The following LRIT3 variants were observed in gnomAD, a reference collection of about 807,000 sequenced individuals.
LRIT3 encodes leucine-rich repeat, immunoglobulin-like domain and transmembrane domain-containing protein 3.
LRIT3 carries 14 observed loss-of-function variants against 22.6 expected under a neutral mutation model. The observed-to-expected ratio is 0.62, with a 90% CI of 0.41 to 0.97. The LOEUF (loss-of-function observed/expected upper bound fraction) is 0.97. Among genes scored for constraint, LRIT3 ranks in the 50% least tolerant of loss-of-function variants. The pLI is 0.00. For missense variants in LRIT3, 783 were observed against 803.0 expected, an observed-to-expected ratio of 0.98 and a Z score of 0.30; for synonymous variants, 306 against 304.5, an observed-to-expected ratio of 1.01 and a Z score of -0.05.
chr4:109,851,832 C>T lies in LRIT3; in HGVS notation c.445C>T (p.Leu149Phe). The change falls in exon 2 of 4, where the codon CTC becomes TTC. Residue 149 changes from leucine to phenylalanine, a missense_variant. Transcript: ENST00000594814. ...AATAACCAGTGTGCCAAATGAGGCG[C>T]TCAGGTATCTGAAGAACCTTGCCTA... The part of the protein sequence containing the change: ...NKITSVPNEA[L>F]RYLKNLAYLD... The T allele has an allele frequency of 6.4e-7, 1 of 1,551,750 alleles. No homozygotes were observed. The highest frequency in any genetic ancestry group is 2.0e-5 in the Admixed American group (1 of 50,998).
intron 2 of LRIT3, among the ~76,000 whole-genome samples, chr4:109,856,752 A>G (rs1354226190): frequency 1.3e-5 from 2 of 152,140 alleles, no homozygotes; most frequent in Non-Finnish European, 2.9e-5. Flanking sequence ...TTTGTCTTAG[A>G]TCATTAATTT....
chr4:109,868,970 G>A (rs1267105742), intron 3 of LRIT3, among the ~76,000 whole-genome samples: 2 of 152,096 alleles, frequency 1.3e-5, no homozygotes, highest in African/African-American at 4.8e-5. Context: ...AATCAAGGAA[G>A]AATGAAAATA....
intron 3 of LRIT3, 25 bp from the exon 4 acceptor site, chr4:109,869,619 CA>C: frequency 6.6e-7 from 1 of 1,519,952 alleles, no homozygotes; most frequent in Non-Finnish European, 8.8e-7. Context: ...TTGTTCCTCA[CA>C]GACTATACAT....
chr4:109,864,620 A>G (rs1734634498), intron 2 of LRIT3, among the ~76,000 whole-genome samples: 2 of 152,218 alleles, frequency 1.3e-5, no homozygotes, highest in Admixed American at 1.3e-4. Context: ...CTAACAATCT[A>G]ATTCCAAATT....
At chr4:109,861,870 C>G (rs1002377923) in intron 2 of LRIT3, among the ~76,000 whole-genome samples, 3 of 152,200 alleles carry the variant, frequency 2.0e-5, no homozygotes, top group Admixed American at 2.0e-4. Context: ...ACCTCAAAAT[C>G]ACAGATATGA....
chr4:109,867,891 C>G lies in LRIT3; in HGVS notation c.840C>G (p.Phe280Leu), dbSNP rs752892469. 6.2e-7 allele frequency: 1 copy of G among 1,613,488 alleles called. No individual in the cohort carries two copies. Among genetic ancestry groups the G allele is most frequent in the Non-Finnish European group, 8.5e-7 (1 of 1,179,982 alleles). ...NVLLRCDATGFPTPQITWTRS... is the reference protein window; with the variant it reads ...NVLLRCDATGLPTPQITWTRS... ...TACTGCGGTGTGATGCCACTGGCTT[C>G]CCCACCCCACAGATCACATGGACCA... The change falls in exon 3 of 4, where the codon TTC (phenylalanine) becomes TTG (leucine). Residue 280 changes from phenylalanine to leucine, a missense_variant. By Grantham distance (22) the Phe-to-Leu change is conservative. Transcript: ENST00000594814.
intron 1 of LRIT3, among the ~76,000 whole-genome samples, chr4:109,850,430 T>TCTTTCTTC (rs1734210226): frequency 3.7e-5 from 3 of 81,614 alleles, no homozygotes; most frequent in Non-Finnish European, 7.0e-5. Context: ...TTCCTTTCTT[T>TCTTTCTTC]CTTTCTTTCT....
At chr4:109,867,460 G>A (rs1325016775) in intron 2 of LRIT3, among the ~76,000 whole-genome samples, 181 bp from the exon 3 acceptor site, 4 of 151,996 alleles carry the variant, frequency 2.6e-5, no homozygotes, top group Admixed American at 6.6e-5. Context: ...TAATGGACAG[G>A]ATATGTTCAC....
rs541712072 is a variant in LRIT3 at position 109,858,804 on chromosome 4, G to A, written c.589+6828G>A. Among the ~76,000 whole-genome samples the A allele has an allele frequency of 2.1e-4, 32 of 152,074 alleles. 1 individual carries two copies. Among genetic ancestry groups the A allele is most frequent in the Non-Finnish European group, 3.8e-4 (26 of 68,022 alleles). ...AGTTCTGTTACTTCTTTCTACAATA[G>A]CTTGGCCTTGTGGGTTATAAGGAAT... On this transcript the variant is annotated intron_variant, in intron 2 of 3. Coordinates refer to ENST00000594814, the MANE Select transcript of LRIT3 (RefSeq NM_198506.5).
At chr4:109,862,274 A>G (rs561796986) in intron 2 of LRIT3, among the ~76,000 whole-genome samples, 7 of 152,246 alleles carry the variant, frequency 4.6e-5, no homozygotes, top group Non-Finnish European at 8.8e-5. Context: ...ATCCAAGAAT[A>G]GTTATATAAA....
chr4:109,850,691 G>T (rs1386465450), intron 1 of LRIT3, among the ~76,000 whole-genome samples: 1 of 151,656 alleles, frequency 6.6e-6, no homozygotes, highest in African/African-American at 2.4e-5. Flanking sequence ...TGGCCAGGCT[G>T]GTCTCAAACA....
At position 109,870,796 on chromosome 4, in the gene LRIT3, G is replaced by A; in HGVS notation, c.*7G>A. On this transcript the variant is annotated 3_prime_UTR_variant, in exon 4 of 4. Coordinates refer to ENST00000594814, the MANE Select transcript of LRIT3 (RefSeq NM_198506.5). ...ACCAGAGTATTATTGCTAAGGTTCT[G>A]CAGCTCAGGTGCATGTGAGCTACAA... 1 of 1,578,460 alleles carries A rather than the reference G, an allele frequency of 6.3e-7. No homozygotes were observed. Among genetic ancestry groups the A allele is most frequent in the Non-Finnish European group, 8.6e-7 (1 of 1,160,224 alleles).
At chr4:109,857,113 CAATT>C (rs1041778634) in intron 2 of LRIT3, among the ~76,000 whole-genome samples, 6 of 152,058 alleles carry the variant, frequency 3.9e-5, no homozygotes, top group African/African-American at 9.7e-5. Flanking sequence ...ATACAAGTAA[CAATT>C]AACACAGGTA....
At chr4:109,867,561 T>A in intron 2 of LRIT3, 80 bp from the exon 3 acceptor site, 2 of 1,303,924 alleles carry the variant, frequency 1.5e-6, no homozygotes, top group Non-Finnish European at 2.2e-6. Context: ...ACAGTGTAGA[T>A]CCCTACTTTC....
chr4:109,868,551 T>C (rs868643370), intron 3 of LRIT3, among the ~76,000 whole-genome samples: 29 of 122,284 alleles, frequency 2.4e-4, no homozygotes, highest in African/African-American at 9.3e-4. Context: ...AAGACTGTCT[T>C]AAAAAAAAAA....
chr4:109,862,941 ACCT>A (rs1734584076), intron 2 of LRIT3, among the ~76,000 whole-genome samples: 1 of 151,976 alleles, frequency 6.6e-6, no homozygotes, highest in African/African-American at 2.4e-5. Context: ...CAATCTTCCC[ACCT>A]CAGCCTCACA....
At chr4:109,861,351 A>G (rs1244573610) in intron 2 of LRIT3, among the ~76,000 whole-genome samples, 3 of 149,880 alleles carry the variant, frequency 2.0e-5, no homozygotes, top group Non-Finnish European at 4.4e-5. Flanking sequence ...AAAAAAAAAA[A>G]GAGAAAAAGA....
At chr4:109,858,099 G>A (rs1236524616) in intron 2 of LRIT3, among the ~76,000 whole-genome samples, 2 of 152,088 alleles carry the variant, frequency 1.3e-5, no homozygotes, top group African/African-American at 4.8e-5. Flanking sequence ...CTGAAGGTTG[G>A]GCAGGACAAC....
chr4:109,866,865 C>T (rs956993682), intron 2 of LRIT3, among the ~76,000 whole-genome samples: 14 of 152,116 alleles, frequency 9.2e-5, no homozygotes, highest in African/African-American at 3.1e-4. Context: ...GGAAGCTGTC[C>T]GCTAACCGCA....
Sources: allele counts gnomAD v4.1 joint callset (sites outside exome capture counted in the v4.1 genomes callset), GRCh38; gene constraint gnomAD v4.1.1; transcripts MANE v1.5; gene names NCBI Gene and HGNC (gene_info 2026-07-23, HGNC 2026-07-21).